The following MCC variants were observed in gnomAD, a reference collection of about 807,000 sequenced individuals.
MCC encodes colorectal mutant cancer protein.
In MCC, 90 loss-of-function variants were observed where a neutral mutation model predicts 116.2. That is an observed-to-expected ratio of 0.77 (90% CI 0.65 to 0.92). The LOEUF (loss-of-function observed/expected upper bound fraction) is 0.92, where lower values mean the gene tolerates loss of function less well. MCC is among the 40% of genes least tolerant of loss of function. The pLI, the probability that MCC is intolerant of heterozygous loss-of-function variation, is 0.00. For missense variants in MCC, 1,516 were observed against 1,312.2 expected, an observed-to-expected ratio of 1.16 and a Z score of -2.40; for synonymous variants, 578 against 510.5, an observed-to-expected ratio of 1.13 and a Z score of -1.78.
At chr5:113,487,872 C>A (rs1289462731) in intron 1 of MCC, among the ~76,000 whole-genome samples, 1 of 152,190 alleles carries the variant, frequency 6.6e-6, no homozygotes, top group Non-Finnish European at 1.5e-5. Context: ...GCTGCGGCAT[C>A]TTGATGCCCA....
chr5:113,247,469 T>A (rs903956062), intron 3 of MCC, among the ~76,000 whole-genome samples: 4 of 152,138 alleles, frequency 2.6e-5, no homozygotes, highest in African/African-American at 9.7e-5. Context: ...AGCTAAGGAA[T>A]TGAGACTATT....
At chr5:113,093,379 C>T (rs1042339443) in intron 8 of MCC, among the ~76,000 whole-genome samples, 7 of 152,060 alleles carry the variant, frequency 4.6e-5, no homozygotes, top group East Asian at 1.9e-4. Context: ...AAGGGTCGAG[C>T]GCACTGTGAT....
chr5:113,055,678 C>T (rs560405034), intron 14 of MCC, among the ~76,000 whole-genome samples: 1 of 152,354 alleles, frequency 6.6e-6, no homozygotes, highest in South Asian at 2.1e-4. Flanking sequence ...CCATTAAACA[C>T]CATCTCTTCA....
At chr5:113,457,720 T>C (rs1771614667) in intron 1 of MCC, among the ~76,000 whole-genome samples, 1 of 144,634 alleles carries the variant, frequency 6.9e-6, no homozygotes, top group Admixed American at 6.7e-5. Flanking sequence ...CAGCACCCTG[T>C]GTCTAGCTCA....
At chr5:113,376,247 A>G (rs2150390603) in intron 2 of MCC, among the ~76,000 whole-genome samples, 1 of 152,306 alleles carries the variant, frequency 6.6e-6, no homozygotes, top group Middle Eastern at 3.4e-3. Flanking sequence ...TAAATTGAAA[A>G]TAGTTGTTGT....
intron 11 of MCC, among the ~76,000 whole-genome samples, chr5:113,082,326 A>G (rs4235790): frequency 0.97 from 148,001 of 152,372 alleles, 72,003 homozygotes; most frequent in East Asian, 1. Flanking sequence ...AGATGATCTA[A>G]ATCAGCATGC....
intron 3 of MCC, among the ~76,000 whole-genome samples, chr5:113,256,430 A>C (rs182286203): frequency 8.5e-5 from 13 of 152,354 alleles, no homozygotes; most frequent in Non-Finnish European, 1.8e-4. Flanking sequence ...TTCAGACAGG[A>C]AAGAGTCACC....
At chr5:113,453,445 T>A (rs1771456346) in intron 1 of MCC, among the ~76,000 whole-genome samples, 1 of 152,200 alleles carries the variant, frequency 6.6e-6, no homozygotes, top group Non-Finnish European at 1.5e-5. Context: ...TCCTGGAGTG[T>A]CACAGCCTAG....
chr5:113,133,995 C>T (rs1317384563), intron 5 of MCC, among the ~76,000 whole-genome samples: 1 of 152,162 alleles, frequency 6.6e-6, no homozygotes, highest in African/African-American at 2.4e-5. Flanking sequence ...TGCCAATGGA[C>T]AGTGTGCAAA....
intron 3 of MCC, chr5:113,295,016 AG>A (rs1766667133): frequency 1.1e-6 from 1 of 950,690 alleles, no homozygotes; most frequent in Non-Finnish European, 1.3e-6. Flanking sequence ...GAGGGAGAAA[AG>A]GGTGGGGGCG....
At chr5:113,384,341 C>T (rs1386672489) in intron 2 of MCC, among the ~76,000 whole-genome samples, 1 of 152,218 alleles carries the variant, frequency 6.6e-6, no homozygotes, top group African/African-American at 2.4e-5. Context: ...GTAATCCCAG[C>T]ACTTTGGGAG....
rs914138752 is a variant in MCC, at chr5:113,025,938, A to G, written c.*1364T>C. ...CTTTAATTTGTAGTCAGCTATGGCA[A>G]TGGAACACATTTTTCATAGGGAACT... On this transcript the variant is annotated 3_prime_UTR_variant, in exon 19 of 19. Transcript: ENST00000408903. The G allele has an allele frequency of 5.9e-5, 9 of 152,266 alleles. No homozygotes were observed. The highest frequency in any genetic ancestry group is 1.3e-4 in the Non-Finnish European group (9 of 68,052). The allele number at this position is 152,266 out of a possible 1,614,324, so 9.4% of individuals were successfully genotyped here.
At chr5:113,134,505 A>C (rs1004997686) in intron 5 of MCC, among the ~76,000 whole-genome samples, 1 of 137,016 alleles carries the variant, frequency 7.3e-6, no homozygotes, top group East Asian at 2.2e-4. Flanking sequence ...AAGTAGTGTG[A>C]TCCCTCCAGC....
At chr5:113,383,833 C>T (rs913482513) in intron 2 of MCC, among the ~76,000 whole-genome samples, 2 of 152,054 alleles carry the variant, frequency 1.3e-5, no homozygotes, top group Non-Finnish European at 2.9e-5. Context: ...GTTTCCATTA[C>T]TCAATAATAA....
chr5:113,235,008 G>A (rs921673347), intron 3 of MCC, among the ~76,000 whole-genome samples: 2 of 152,188 alleles, frequency 1.3e-5, no homozygotes, highest in Admixed American at 6.5e-5. Flanking sequence ...AAGAGCATGC[G>A]ATTACCAGTG....
At chr5:113,330,596 G>A (rs1020936408) in intron 3 of MCC, among the ~76,000 whole-genome samples, 3 of 152,182 alleles carry the variant, frequency 2.0e-5, no homozygotes, top group Admixed American at 6.5e-5. Context: ...CTGCCAAGCA[G>A]CTACTCTGTT....
chr5:113,394,916 T>C (rs1561550191), intron 1 of MCC, among the ~76,000 whole-genome samples: 1 of 152,228 alleles, frequency 6.6e-6, no homozygotes, highest in African/African-American at 2.4e-5. Flanking sequence ...CATTTATCTA[T>C]GTAATGTCTA....
intron 3 of MCC, among the ~76,000 whole-genome samples, chr5:113,244,091 T>C (rs1421681845): frequency 6.6e-6 from 1 of 152,212 alleles, no homozygotes; most frequent in South Asian, 2.1e-4. Context: ...TTGGATAGCA[T>C]ACATGGAAAT....
At chr5:113,313,698 C>A (rs1767195046) in intron 3 of MCC, among the ~76,000 whole-genome samples, 1 of 152,214 alleles carries the variant, frequency 6.6e-6, no homozygotes, top group African/African-American at 2.4e-5. Context: ...TCCAGAGAGT[C>A]TGGAAAGATT....
Sources: allele counts gnomAD v4.1 joint callset (sites outside exome capture counted in the v4.1 genomes callset), GRCh38; gene constraint gnomAD v4.1.1; transcripts MANE v1.5; gene names NCBI Gene and HGNC (gene_info 2026-07-23, HGNC 2026-07-21).